The following WRN variants were observed in gnomAD, a reference collection of about 807,000 sequenced individuals.
The protein encoded by WRN is WRN RecQ like helicase, also known as bifunctional 3'-5' exonuclease/ATP-dependent helicase WRN.
A neutral mutation model predicts 180.7 loss-of-function variants in WRN; 149 were observed. That is an observed-to-expected ratio of 0.82 (90% CI 0.72 to 0.94). The LOEUF (loss-of-function observed/expected upper bound fraction) is 0.94. Ranked by LOEUF, WRN falls within the 40% of genes least tolerant of loss-of-function variation. The pLI, the probability that WRN is intolerant of heterozygous loss-of-function variation, is 0.00. For synonymous variants in WRN, 548 were observed against 568.9 expected, an observed-to-expected ratio of 0.96 and a Z score of 0.52; for missense variants, 1,661 against 1,700.1, an observed-to-expected ratio of 0.98 and a Z score of 0.40.
rs1387181386 is a variant in WRN, at chr8:31,033,825, C to A, written c.-225C>A. On this transcript the variant is annotated 5_prime_UTR_variant, in exon 1 of 35. Transcript: ENST00000298139. ...CGGAGCTGATGTGTACTGTGTGCGC[C>A]GGGGAGGCGCCGGCTTGTACTCGGC... 1 of 152,208 alleles carries A rather than the reference C, an allele frequency of 6.6e-6. No individual in the cohort carries two copies. The highest frequency in any genetic ancestry group is 1.5e-5 in the Non-Finnish European group (1 of 68,112). The allele number at this position is 152,208 out of a possible 1,614,324, so 9.4% of individuals were successfully genotyped here.
intron 19 of WRN, among the ~76,000 whole-genome samples, chr8:31,113,017 G>A (rs1033810560): frequency 6.6e-6 from 1 of 151,752 alleles, no homozygotes; most frequent in African/African-American, 2.4e-5. Flanking sequence ...ACCAGCCTGG[G>A]CAACATGGTG....
Position 31,167,153 on chromosome 8 carries a change from A to G in WRN, c.4114A>G (p.Arg1372Gly), listed in dbSNP as rs1353846692. ...TCAACCTTCATGTGATGTCAACAAAAGGAGATGTTTTCCCGGTTCTGAAGA... is the reference window on the plus strand; with the variant it reads ...TCAACCTTCATGTGATGTCAACAAAGGGAGATGTTTTCCCGGTTCTGAAGA... ...GLQPSCDVNK[R>G]RCFPGSEEIC... Residue 1372 changes from arginine (R) to glycine (G), a missense_variant, in exon 34 of 35, where the codon AGG becomes GGG. Physicochemically the swap from Arg to Gly is moderately radical, Grantham distance 125 (BLOSUM62 -2). Transcript: ENST00000298139. The G allele has an allele frequency of 3.7e-6, 6 of 1,613,376 alleles. No individual in the cohort carries two copies. The highest frequency in any genetic ancestry group is 5.1e-6 in the Non-Finnish European group (6 of 1,179,514).
intron 34 of WRN, chr8:31,171,324 C>T (rs956047387): frequency 5.0e-5 from 7 of 140,554 alleles, no homozygotes; most frequent in African/African-American, 1.9e-4. Context: ...GGAACCTAAA[C>T]AAATTTACAA....
At chr8:31,068,105 T>A (rs2130055291) in intron 6 of WRN, among the ~76,000 whole-genome samples, 153 bp from the exon 7 acceptor site, 1 of 152,348 alleles carries the variant, frequency 6.6e-6, no homozygotes, top group East Asian at 1.9e-4. Flanking sequence ...GATTATTAAA[T>A]GAGGACATAT....
chr8:31,168,471 G>C (rs73670481), intron 34 of WRN, among the ~76,000 whole-genome samples: 2 of 125,248 alleles, frequency 1.6e-5, no homozygotes, highest in Admixed American at 2.1e-4. Context: ...AACATTTTTC[G>C]CTATTTCAGT....
At chr8:31,154,483 G>T (rs960417583) in intron 31 of WRN, 141 bp from the exon 32 acceptor site, 3 of 959,586 alleles carry the variant, frequency 3.1e-6, no homozygotes, top group East Asian at 5.9e-5. Flanking sequence ...ACTTCTTTTT[G>T]AGCTCCCCAT....
chr8:31,143,685 GAA>G, intron 28 of WRN, 62 bp downstream of exon 28: 5 of 1,203,846 alleles, frequency 4.2e-6, no homozygotes, highest in Non-Finnish European at 6.1e-6. Flanking sequence ...TTTCTAAAGA[GAA>G]AGAACTGTCA....
At chr8:31,110,807 A>T (rs1801282511) in intron 18 of WRN, among the ~76,000 whole-genome samples, 1 of 152,208 alleles carries the variant, frequency 6.6e-6, no homozygotes, top group African/African-American at 2.4e-5. Flanking sequence ...ACTGTAAGAC[A>T]GTCCACTTTT....
intron 2 of WRN, among the ~76,000 whole-genome samples, chr8:31,058,847 T>C (rs912393284): frequency 1.1e-4 from 16 of 152,342 alleles, no homozygotes; most frequent in African/African-American, 3.8e-4. Flanking sequence ...GTCTTCAGCA[T>C]TTTAAGGCAA....
chr8:31,134,497 G>T (rs1017765242), intron 24 of WRN, among the ~76,000 whole-genome samples: 3 of 152,132 alleles, frequency 2.0e-5, no homozygotes, highest in Non-Finnish European at 4.4e-5. Flanking sequence ...AAACAGTGAA[G>T]TTATTACTTA....
intron 9 of WRN, among the ~76,000 whole-genome samples, chr8:31,083,234 G>A (rs1813390376): frequency 6.6e-6 from 1 of 152,116 alleles, no homozygotes. Context: ...AATGCTTTTT[G>A]TAAAATACTG....
intron 19 of WRN, among the ~76,000 whole-genome samples, chr8:31,114,604 C>T (rs1184552485): frequency 9.9e-5 from 15 of 152,056 alleles, no homozygotes; most frequent in Non-Finnish European, 5.9e-5. Flanking sequence ...TTTCTAATTC[C>T]GTACCTCAGT....
At chr8:31,034,247 C>A (rs775791720) in intron 1 of WRN, among the ~76,000 whole-genome samples, 1 of 152,158 alleles carries the variant, frequency 6.6e-6, no homozygotes, top group African/African-American at 2.4e-5. Flanking sequence ...TAGGATTGCT[C>A]TTTCTAGTAC....
chr8:31,146,954 G>T (rs117894244), intron 28 of WRN, 99 bp from the exon 29 acceptor site: 3 of 988,978 alleles, frequency 3.0e-6, no homozygotes, highest in African/African-American at 1.6e-5. Flanking sequence ...ATAAATGTTT[G>T]TACTGATTTG....
At chr8:31,092,808 C>T (rs1813805915) in intron 16 of WRN, among the ~76,000 whole-genome samples, 1 of 152,108 alleles carries the variant, frequency 6.6e-6, no homozygotes, top group Non-Finnish European at 1.5e-5. Flanking sequence ...TTTTCTCTAC[C>T]ATAGTTTGGT....
intron 1 of WRN, among the ~76,000 whole-genome samples, chr8:31,048,515 G>A (rs905694636): frequency 6.6e-6 from 1 of 152,150 alleles, no homozygotes; most frequent in Admixed American, 6.5e-5. Flanking sequence ...CACAATCTGT[G>A]TGTGTGTATA....
intron 23 of WRN, chr8:31,131,776 T>G (rs1465005872): frequency 6.5e-6 from 1 of 153,864 alleles, no homozygotes; most frequent in African/African-American, 2.4e-5. Context: ...AACATTATCC[T>G]TGTTCTCAGT....
intron 24 of WRN, among the ~76,000 whole-genome samples, chr8:31,139,696 G>A (rs1212785577): frequency 6.6e-6 from 1 of 152,120 alleles, no homozygotes. Flanking sequence ...ATTGTATGCT[G>A]GGTTCTTTGC....
At chr8:31,152,041 G>A (rs1019982273) in intron 31 of WRN, among the ~76,000 whole-genome samples, 4 of 151,814 alleles carry the variant, frequency 2.6e-5, no homozygotes, top group Admixed American at 2.6e-4. Flanking sequence ...TACATTTTTT[G>A]AGAATTTTGA....
Sources: gnomAD v4.1 joint callset for allele counts (sites outside exome capture counted in the v4.1 genomes callset) on GRCh38, gnomAD v4.1.1 for gene constraint, MANE v1.5 for transcripts, NCBI Gene and HGNC (gene_info 2026-07-23, HGNC 2026-07-21) for gene names.